The following SKIC3 variants were observed in gnomAD, a reference collection of about 807,000 sequenced individuals.
SKIC3 encodes superkiller complex protein 3.
chr5:95,530,129 T>G, the SKIC3 span: 1 of 1,613,682 alleles, frequency 6.2e-7, no homozygotes, highest in Non-Finnish European at 8.5e-7. Context: ...ACTTTTTGTC[T>G]TGTAATGCTT....
At chr5:95,505,771 C>T in the SKIC3 span, among the ~76,000 whole-genome samples, 1 of 151,582 alleles carries the variant, frequency 6.6e-6, no homozygotes, top group Non-Finnish European at 1.5e-5. Flanking sequence ...CAAGATCGCG[C>T]CACTGCACTC....
chr5:95,465,711 T>TA, the SKIC3 span, among the ~76,000 whole-genome samples: 40 of 152,214 alleles, frequency 2.6e-4, no homozygotes, highest in African/African-American at 9.4e-4. Flanking sequence ...GATGGACTGA[T>TA]ATAGTTTCCC....
At chr5:95,518,045 C>CA in the SKIC3 span, among the ~76,000 whole-genome samples, 19 of 152,154 alleles carry the variant, frequency 1.2e-4, no homozygotes, top group Middle Eastern at 6.8e-3. Context: ...CCTCCAGAAC[C>CA]AAGTCAAATA....
chr5:95,501,081 T>A, the SKIC3 span, among the ~76,000 whole-genome samples: 1 of 151,916 alleles, frequency 6.6e-6, no homozygotes, highest in African/African-American at 2.4e-5. Flanking sequence ...GTCTAGCAAA[T>A]AACCACATGG....
chr5:95,549,664 C>CACACAT, the SKIC3 span, among the ~76,000 whole-genome samples: 2 of 151,916 alleles, frequency 1.3e-5, no homozygotes, highest in Non-Finnish European at 2.9e-5. Flanking sequence ...CATATATGTA[C>CACACAT]GTAAGTTTCA....
the SKIC3 span, chr5:95,515,112 G>T: frequency 3.7e-6 from 2 of 542,766 alleles, no homozygotes; most frequent in Admixed American, 6.1e-5. Flanking sequence ...GAACACTCCT[G>T]GGTGCAACAG....
chr5:95,525,746 G>A, the SKIC3 span: 43 of 1,397,592 alleles, frequency 3.1e-5, no homozygotes, highest in African/African-American at 4.5e-4. Flanking sequence ...TTTAATTAAC[G>A]AACGAACACA....
At chr5:95,541,683 C>T in the SKIC3 span, 36 of 702,042 alleles carry the variant, frequency 5.1e-5, no homozygotes, top group South Asian at 3.9e-4. Context: ...AAAGATTCTA[C>T]GACAAATGTT....
At chr5:95,489,515 C>A in the SKIC3 span, among the ~76,000 whole-genome samples, 5 of 130,964 alleles carry the variant, frequency 3.8e-5, no homozygotes, top group South Asian at 2.3e-4. Flanking sequence ...AAAAGGGCAA[C>A]CAGTTAAAAA....
chr5:95,496,354 T>C, the SKIC3 span, among the ~76,000 whole-genome samples: 4 of 152,138 alleles, frequency 2.6e-5, no homozygotes, highest in Non-Finnish European at 4.4e-5. Context: ...TCCTGAAAGA[T>C]GTATGGGCTA....
chr5:95,486,511 C>T, the SKIC3 span, among the ~76,000 whole-genome samples: 1 of 152,204 alleles, frequency 6.6e-6, no homozygotes, highest in African/African-American at 2.4e-5. Flanking sequence ...AAAGCATTTG[C>T]TGGCAGCCCG....
the SKIC3 span, chr5:95,520,919 A>G: frequency 2.2e-4 from 192 of 861,856 alleles, 1 homozygote; most frequent in African/African-American, 2.0e-3. Flanking sequence ...AGCACTTTCC[A>G]GAAAATAAAA....
chr5:95,534,106 AG>A, the SKIC3 span, among the ~76,000 whole-genome samples: 1 of 152,124 alleles, frequency 6.6e-6, no homozygotes, highest in African/African-American at 2.4e-5. Context: ...AATTGGTACC[AG>A]GGGCCATACA....
chr5:95,490,601 C>T, the SKIC3 span, among the ~76,000 whole-genome samples: 9 of 151,254 alleles, frequency 6.0e-5, no homozygotes, highest in Non-Finnish European at 1.2e-4. Flanking sequence ...GGGTTCACGC[C>T]ATTCTCCTGC....
chr5:95,523,803 A>T, the SKIC3 span: 2 of 1,613,360 alleles, frequency 1.2e-6, no homozygotes, highest in African/African-American at 2.7e-5. Context: ...ATAGCAGAAA[A>T]CTTTGCCCAT....
chr5:95,529,152 G>C, the SKIC3 span: 2 of 1,498,352 alleles, frequency 1.3e-6, no homozygotes, highest in Non-Finnish European at 1.9e-6. Context: ...TGACTACATA[G>C]ATGAACAGCA....
chr5:95,497,797 A>G, the SKIC3 span, among the ~76,000 whole-genome samples: 1 of 152,182 alleles, frequency 6.6e-6, no homozygotes, highest in Admixed American at 6.5e-5. Flanking sequence ...ATTATAGGAT[A>G]AGTAATACTG....
the SKIC3 span, chr5:95,543,468 T>C: frequency 1.1e-6 from 1 of 937,910 alleles, no homozygotes; most frequent in South Asian, 1.5e-5. Context: ...TTAACCTATC[T>C]GGTTTCAGTT....
chr5:95,530,339 C>T, the SKIC3 span: 11 of 1,152,162 alleles, frequency 9.5e-6, no homozygotes, highest in Admixed American at 2.3e-4. Context: ...CATTCTTCAC[C>T]ACATGCTGAC....
Sources: gnomAD v4.1 joint callset for allele counts (sites outside exome capture counted in the v4.1 genomes callset) on GRCh38, gnomAD v4.1.1 for gene constraint, MANE v1.5 for transcripts, NCBI Gene and HGNC (gene_info 2026-07-23, HGNC 2026-07-21) for gene names.